KCNG3: variants seen among roughly 807,000 people sequenced by gnomAD.
KCNG3 encodes voltage-gated potassium channel regulatory subunit KCNG3.
A neutral mutation model predicts 29.0 loss-of-function variants in KCNG3; 15 were observed. The ratio of observed to expected loss-of-function variants is 0.52; its 90% CI spans 0.35 to 0.80. KCNG3 has a LOEUF of 0.80. Ranked by LOEUF, KCNG3 falls within the 30% of genes least tolerant of loss-of-function variation. The pLI is 0.01. For missense variants in KCNG3, 512 were observed against 605.7 expected (o/e 0.85, Z 1.62); for synonymous variants, 322 against 248.9 (o/e 1.29, Z -2.76).
chr2:42,413,021 G>A, the KCNG3 span, among the ~76,000 whole-genome samples: 5 of 152,254 alleles, frequency 3.3e-5, no homozygotes, highest in East Asian at 1.9e-4. Context: ...CCAGGCTGGA[G>A]TGCAGTGGTG....
At chr2:42,434,008 C>A in the KCNG3 span, among the ~76,000 whole-genome samples, 1 of 152,066 alleles carries the variant, frequency 6.6e-6, no homozygotes, top group African/African-American at 2.4e-5. Context: ...ATAAGTGAAT[C>A]GAAAGGCACC....
intron 1 of KCNG3, among the ~76,000 whole-genome samples, chr2:42,469,193 T>A (rs1338012514): frequency 1.3e-5 from 2 of 151,856 alleles, no homozygotes; most frequent in Non-Finnish European, 2.9e-5. Context: ...CCGAGGCAGC[T>A]GGATCACGAG....
At chr2:42,394,160 C>T in the KCNG3 span, among the ~76,000 whole-genome samples, 1 of 152,280 alleles carries the variant, frequency 6.6e-6, no homozygotes, top group South Asian at 2.1e-4. Flanking sequence ...CTTGAACACA[C>T]TTCTTAAATT....
chr2:42,440,821 T>C (rs2374428), downstream of KCNG3, among the ~76,000 whole-genome samples: 124,599 of 152,178 alleles, frequency 0.82, 51,430 homozygotes, highest in Middle Eastern at 0.94. Context: ...AATTTTGTGT[T>C]TGTAATCCTA....
intron 1 of KCNG3, among the ~76,000 whole-genome samples, chr2:42,482,032 C>G (rs1673598029): frequency 6.6e-6 from 1 of 152,146 alleles, no homozygotes; most frequent in Non-Finnish European, 1.5e-5. Flanking sequence ...CTATGTTGCC[C>G]AGGCTGGCTT....
chr2:42,391,595 C>CTTTTTTTTTTT, the KCNG3 span, among the ~76,000 whole-genome samples: 16 of 88,108 alleles, frequency 1.8e-4, no homozygotes, highest in Non-Finnish European at 2.2e-4. Context: ...TTTTATATCT[C>CTTTTTTTTTTT]TTTTTTTTTT....
Position 42,444,655 on chromosome 2 carries a change from T to C in KCNG3, c.666-76A>G. 7.8e-7 allele frequency: 1 copy of C among 1,290,312 alleles called. No homozygotes were observed. Among genetic ancestry groups the C allele is most frequent in the Non-Finnish European group, 1.1e-6 (1 of 926,420 alleles). The allele number at this position is 1,290,312 out of a possible 1,614,324, so 79.9% of individuals were successfully genotyped here. ...ATAGCTCTTAGATTTCTTCAGATAG[T>C]ACTACACTGACATACTAATTCAGTT... On this transcript the variant is annotated intron_variant, in intron 1 of 1. Coordinates refer to ENST00000306078, the MANE Select transcript of KCNG3 (RefSeq NM_133329.6). The surrounding 1 kb of genome is among the most constrained non-coding windows in gnomAD (Gnocchi z 5.8).
downstream of KCNG3, among the ~76,000 whole-genome samples, chr2:42,437,740 C>T (rs1672399037): frequency 6.6e-6 from 1 of 151,954 alleles, no homozygotes; most frequent in South Asian, 2.1e-4. Flanking sequence ...GAGATCGAGA[C>T]CAGCCCGGCC....
At chr2:42,462,012 T>G (rs1048479814) in intron 1 of KCNG3, among the ~76,000 whole-genome samples, 1 of 152,236 alleles carries the variant, frequency 6.6e-6, no homozygotes, top group African/African-American at 2.4e-5. Context: ...TTATTTTAAG[T>G]GATGTTAATT....
intron 1 of KCNG3, among the ~76,000 whole-genome samples, chr2:42,481,185 G>C (rs1487565930): frequency 2.0e-5 from 3 of 152,168 alleles, no homozygotes; most frequent in African/African-American, 7.2e-5. Flanking sequence ...ACTCCCATTG[G>C]TCCTGCAACA....
At chr2:42,437,820 C>T (rs1672400301), downstream of KCNG3, among the ~76,000 whole-genome samples, 1 of 151,586 alleles carries the variant, frequency 6.6e-6, no homozygotes, top group Non-Finnish European at 1.5e-5. Context: ...CGCCTGTAAT[C>T]CCAGATACTT....
chr2:42,454,069 C>T (rs1344880343), intron 1 of KCNG3, among the ~76,000 whole-genome samples: 2 of 143,814 alleles, frequency 1.4e-5, no homozygotes, highest in Admixed American at 1.4e-4. Flanking sequence ...CAAATCAGAA[C>T]CACAATGAGG....
chr2:42,450,759 G>C (rs2103671775), intron 1 of KCNG3, among the ~76,000 whole-genome samples: 1 of 152,250 alleles, frequency 6.6e-6, no homozygotes, highest in South Asian at 2.1e-4. Context: ...CTTTACAGAT[G>C]ACAAAATTGA....
chr2:42,458,696 C>T (rs1672939961), intron 1 of KCNG3, among the ~76,000 whole-genome samples: 2 of 151,850 alleles, frequency 1.3e-5, no homozygotes, highest in South Asian at 2.1e-4. Flanking sequence ...CAGTGTAGCC[C>T]GAGGTAGTGT....
At chr2:42,484,648 G>A (rs750426003) in intron 1 of KCNG3, among the ~76,000 whole-genome samples, 10 of 152,158 alleles carry the variant, frequency 6.6e-5, no homozygotes, top group Non-Finnish European at 1.3e-4. Context: ...AAGAGATAGG[G>A]CAAGTTAACT....
At position 42,457,300 on chromosome 2, in the gene KCNG3, C is replaced by T. The variant is rs557979780; in HGVS notation, c.666-12721G>A. On this transcript the variant is annotated intron_variant, in intron 1 of 1. Transcript: ENST00000306078. ...AGGAGTTCAAGACCAGTTTGGGCAACGTGACGAAACTCCATCTCTGCAAAA... is the reference window on the plus strand; with the variant it reads ...AGGAGTTCAAGACCAGTTTGGGCAATGTGACGAAACTCCATCTCTGCAAAA... Among the ~76,000 whole-genome samples the T allele has an allele frequency of 3.4e-5, 5 of 148,476 alleles. No individual in the cohort carries two copies. In the South Asian group the frequency reaches 6.5e-4, roughly 19 times the overall value.
chr2:42,408,334 T>C, the KCNG3 span, among the ~76,000 whole-genome samples: 118 of 152,246 alleles, frequency 7.8e-4, 5 homozygotes, highest in East Asian at 0.02. Flanking sequence ...GAATGGGAAC[T>C]TGTGGTGCCT....
chr2:42,399,314 C>T, the KCNG3 span, among the ~76,000 whole-genome samples: 1 of 152,150 alleles, frequency 6.6e-6, no homozygotes, highest in African/African-American at 2.4e-5. Flanking sequence ...CTGCCTCAGC[C>T]TCTCGAAGTG....
intron 1 of KCNG3, among the ~76,000 whole-genome samples, chr2:42,488,552 C>CTTT (rs111727996): frequency 7.3e-6 from 1 of 137,006 alleles, no homozygotes; most frequent in Non-Finnish European, 1.6e-5. Context: ...ATTTTCTTTT[C>CTTT]TTTTTTTTTT....
Sources: allele counts gnomAD v4.1 joint callset (sites outside exome capture counted in the v4.1 genomes callset), GRCh38; gene constraint gnomAD v4.1.1; non-coding constraint Gnocchi (gnomAD v3.1); transcripts MANE v1.5; gene names NCBI Gene and HGNC (gene_info 2026-07-23, HGNC 2026-07-21).